The following PTCD3 variants were observed in gnomAD, a reference collection of about 807,000 sequenced individuals.
PTCD3 encodes the protein pentatricopeptide repeat domain 3.
In PTCD3, 89 loss-of-function variants were observed where a neutral mutation model predicts 101.9. That is an observed-to-expected ratio of 0.87 (90% CI 0.74 to 1.04). PTCD3 has a LOEUF of 1.04. Ranked by LOEUF, PTCD3 falls within the 50% of genes least tolerant of loss-of-function variation. The pLI, the probability that PTCD3 is intolerant of heterozygous loss-of-function variation, is 0.00. For synonymous variants in PTCD3, 296 were observed against 278.5 expected (o/e 1.06, Z -0.63); for missense variants, 870 against 828.2 (o/e 1.05, Z -0.62).
chr2:86,116,059 A>G (rs1261775339), intron 4 of PTCD3, among the ~76,000 whole-genome samples: 1 of 152,238 alleles, frequency 6.6e-6, no homozygotes, highest in Non-Finnish European at 1.5e-5. Context: ...CTTGCCTTGC[A>G]TAATTAAAGG....
chr2:86,135,233 G>A (rs1273523585), intron 21 of PTCD3: 1 of 377,098 alleles, frequency 2.7e-6, no homozygotes, highest in African/African-American at 2.0e-5. Flanking sequence ...CTATGGACAA[G>A]TAAGTCACTT....
chr2:86,133,024 C>A, intron 17 of PTCD3, 154 bp from the exon 18 acceptor site: 2 of 1,235,828 alleles, frequency 1.6e-6, no homozygotes, highest in Non-Finnish European at 2.2e-6. Context: ...CACACACTGG[C>A]AGCTCTTAAA....
At chr2:86,119,420 A>G in intron 7 of PTCD3, 1 of 180,148 alleles carries the variant, frequency 5.6e-6, no homozygotes, top group Non-Finnish European at 1.1e-5. Context: ...GCAGTGGCGC[A>G]ATCTCGGCTG....
chr2:86,127,460 T>C (rs914764565), intron 13 of PTCD3, 155 bp downstream of exon 13: 7 of 820,672 alleles, frequency 8.5e-6, no homozygotes, highest in Middle Eastern at 3.3e-4. Context: ...CATGTACTTA[T>C]TATAGTGGGA....
chr2:86,135,380 A>C (rs1031052133), intron 21 of PTCD3, among the ~76,000 whole-genome samples: 3 of 152,152 alleles, frequency 2.0e-5, no homozygotes, highest in Admixed American at 6.6e-5. Context: ...TCCAGCTTAA[A>C]ATGTGGGCTG....
chr2:86,121,857 C>G (rs1230355934), intron 8 of PTCD3, among the ~76,000 whole-genome samples: 5 of 152,236 alleles, frequency 3.3e-5, no homozygotes, highest in Non-Finnish European at 7.3e-5. Context: ...AATGTTTGGG[C>G]TGGCCTGTGC....
intron 17 of PTCD3, chr2:86,132,826 G>A: frequency 3.1e-6 from 1 of 323,776 alleles, no homozygotes; most frequent in Non-Finnish European, 5.6e-6. Context: ...ATAAGAACAT[G>A]AATTTAAGAA....
At chr2:86,120,920 A>G (rs1170731373) in intron 7 of PTCD3, among the ~76,000 whole-genome samples, 1 of 152,226 alleles carries the variant, frequency 6.6e-6, no homozygotes, top group East Asian at 1.9e-4. Context: ...TACTTTTCTT[A>G]TAAGATAGCA....
Position 86,123,588 on chromosome 2 carries a change from A to G in PTCD3, c.655-113A>G, listed in dbSNP as rs575346932. On this transcript the variant is annotated intron_variant, in intron 8 of 23. Transcript: ENST00000254630. ...TTCCTCTTTGCCTTCTGCTGGATCT[A>G]TGTTTCCTTTATTTTTCTGAGTTCC... 16 of 747,692 alleles carry G rather than the reference A, an allele frequency of 2.1e-5. No individual in the cohort carries two copies. The Admixed American group carries it at 3.9e-4, about 18-fold the overall frequency. 46.3% of individuals were successfully genotyped at this position (747,692 alleles called of 1,614,324 possible).
Position 86,136,997 on chromosome 2 carries a change from T to C in PTCD3, c.1836T>C (p.Asn612=). Reference sequence around the variant, plus strand: ...TCTTTTACAGAAGTGAGTTGCTGAATGAGCTTATGGACAGTGCAAAAGTGT... The same window carrying C: ...TCTTTTACAGAAGTGAGTTGCTGAACGAGCTTATGGACAGTGCAAAAGTGT... ...HNKIPRSELL[N]ELMDSAKVSN... The change falls in exon 23 of 24, where the codon AAT becomes AAC. Residue 612 remains asparagine (N), a synonymous_variant. Coordinates refer to ENST00000254630, the MANE Select transcript of PTCD3 (RefSeq NM_017952.6). 1 of 1,612,892 alleles carries C rather than the reference T, an allele frequency of 6.2e-7. No homozygotes were observed. The highest frequency in any genetic ancestry group is 1.7e-5 in the Admixed American group (1 of 60,008).
At position 86,121,611 on chromosome 2, in the gene PTCD3, T is replaced by C. The variant is rs930208163; in HGVS notation, c.654+17T>C. ...GAAGCATTGGTAATAACTGTTGGCC[T>C]TGATTTTTTTTTTTCCTTAAGCTTC... is the stretch of plus-strand genomic sequence containing the variant. On this transcript the variant is annotated intron_variant, in intron 8 of 23. Coordinates refer to ENST00000254630, the MANE Select transcript of PTCD3 (RefSeq NM_017952.6). 6.6e-7 allele frequency: 1 copy of C among 1,511,906 alleles called. No individual in the cohort carries two copies. The highest frequency in any genetic ancestry group is 9.0e-7 in the Non-Finnish European group (1 of 1,113,946). 93.7% of individuals were successfully genotyped at this position (1,511,906 alleles called of 1,614,324 possible). A position where few individuals can be genotyped will look rare whatever the true frequency, so the allele number is the denominator to read the frequency against.
At chr2:86,113,786 G>A (rs1674130763) in intron 4 of PTCD3, among the ~76,000 whole-genome samples, 1 of 152,112 alleles carries the variant, frequency 6.6e-6, no homozygotes, top group African/African-American at 2.4e-5. Flanking sequence ...ACTCCACAGA[G>A]TGAGACCCTG....
Position 86,140,018 on chromosome 2 carries a change from C to T in PTCD3, c.*2459C>T, listed in dbSNP as rs999077008. 1.3e-5 allele frequency: 2 copies of T among 152,202 alleles called. No homozygotes were observed. The highest frequency in any genetic ancestry group is 4.8e-5 in the African/African-American group (2 of 41,444). The allele number at this position is 152,202 out of a possible 1,614,324, so 9.4% of individuals were successfully genotyped here. On this transcript the variant is annotated 3_prime_UTR_variant, in exon 24 of 24. Transcript: ENST00000254630. ...GTTGGATGGCACTCAAAAGATTCTA[C>T]ATGTCTAGAATCAAACTCAAATCTG...
At position 86,130,779 on chromosome 2, in the gene PTCD3, G is replaced by T. The variant is rs762755638; in HGVS notation, c.1237+42G>T. On this transcript the variant is annotated intron_variant, in intron 15 of 23. Transcript: ENST00000254630. ...CTTGTGTTTTCCTCCTCTAAAGACA[G>T]AGGGCCGGTTTACCTGAGTACCAGT... 1.9e-6 allele frequency: 3 copies of T among 1,606,632 alleles called. No individual in the cohort carries two copies. In the East Asian group the frequency reaches 6.7e-5, roughly 36 times the overall value.
chr2:86,117,290 G>T, intron 6 of PTCD3, 131 bp downstream of exon 6: 1 of 515,208 alleles, frequency 1.9e-6, no homozygotes, highest in South Asian at 3.9e-5. Flanking sequence ...TTAAAGTGTG[G>T]AGTTAGCTTT....
At chr2:86,121,047 T>C (rs1169293952) in intron 7 of PTCD3, among the ~76,000 whole-genome samples, 1 of 152,238 alleles carries the variant, frequency 6.6e-6, no homozygotes, top group Admixed American at 6.5e-5. Flanking sequence ...TCGACAATTA[T>C]GCTAGTATTT....
At chr2:86,111,310 C>T (rs1307350982) in intron 4 of PTCD3, 152 bp downstream of exon 4, 10 of 791,096 alleles carry the variant, frequency 1.3e-5, no homozygotes, top group East Asian at 2.7e-5. Flanking sequence ...TTGTCTAGGC[C>T]GGGCGCGGTG....
chr2:86,125,733 T>C, intron 11 of PTCD3, 62 bp from the exon 12 acceptor site: 1 of 1,320,302 alleles, frequency 7.6e-7, no homozygotes, highest in South Asian at 1.3e-5. Context: ...TGCTTTGCCT[T>C]AAACTCAGCC....
Position 86,138,977 on chromosome 2 carries a change from T to G in PTCD3, c.*1418T>G, listed in dbSNP as rs1382721882. On this transcript the variant is annotated 3_prime_UTR_variant, in exon 24 of 24. Coordinates refer to ENST00000254630, the MANE Select transcript of PTCD3 (RefSeq NM_017952.6). ...TCACCATGTTGCTCTGCAGCTAGAGTTGATAGGAGAAAATCCATTTGGGTA... is the reference window on the plus strand; with the variant it reads ...TCACCATGTTGCTCTGCAGCTAGAGGTGATAGGAGAAAATCCATTTGGGTA... 6.6e-6 allele frequency: 1 copy of G among 152,152 alleles called. No homozygotes were observed. The highest frequency in any genetic ancestry group is 1.5e-5 in the Non-Finnish European group (1 of 68,030). 9.4% of individuals were successfully genotyped at this position (152,152 alleles called of 1,614,324 possible). A position where few individuals can be genotyped will look rare whatever the true frequency, so the allele number is the denominator to read the frequency against.
Sources: allele counts gnomAD v4.1 joint callset (sites outside exome capture counted in the v4.1 genomes callset), GRCh38; gene constraint gnomAD v4.1.1; transcripts MANE v1.5; gene names NCBI Gene and HGNC (gene_info 2026-07-23, HGNC 2026-07-21).